Variants in CASK observed in about 807,000 individuals in gnomAD.
CASK encodes calcium/calmodulin dependent serine protein kinase.
Under a neutral mutation model 82.9 loss-of-function variants are expected in CASK, and 4 were observed. The ratio of observed to expected loss-of-function variants is 0.05; its 90% CI spans 0.02 to 0.11. The LOEUF is 0.11. Ranked by LOEUF, CASK falls within the 10% of genes least tolerant of loss-of-function variation. The pLI is 1.00. For missense variants in CASK, 358 were observed against 720.9 expected, an observed-to-expected ratio of 0.50 and a Z score of 5.76; for synonymous variants, 259 against 253.5, an observed-to-expected ratio of 1.02 and a Z score of -0.20.
chrX:41,603,763 G>A (rs906641913), intron 12 of CASK, among the ~76,000 whole-genome samples: 1 of 111,973 alleles, frequency 8.9e-6, no homozygotes. Flanking sequence ...AATGCTAACA[G>A]CTGTTCAGAG....
chrX:41,550,851 C>T (rs1014429219), intron 21 of CASK, among the ~76,000 whole-genome samples: 3 of 111,587 alleles, frequency 2.7e-5, no homozygotes, highest in African/African-American at 9.8e-5. Flanking sequence ...GTCGAGGCTG[C>T]AGTGAGCCAT....
At chrX:41,612,687 C>T (rs2066102702) in intron 11 of CASK, among the ~76,000 whole-genome samples, 1 of 94,043 alleles carries the variant, frequency 1.1e-5, no homozygotes, top group Non-Finnish European at 2.2e-5. Flanking sequence ...CCAGCCGCCC[C>T]GTCCGGGAGG....
At chrX:41,651,141 A>G (rs2066858893) in intron 8 of CASK, among the ~76,000 whole-genome samples, 2 of 112,324 alleles carry the variant, frequency 1.8e-5, no homozygotes, top group African/African-American at 6.5e-5. Context: ...TAAATATGCT[A>G]TTAGCCAAGA....
chrX:41,793,789 T>C (rs1361855196), intron 2 of CASK, among the ~76,000 whole-genome samples: 1 of 112,107 alleles, frequency 8.9e-6, no homozygotes, highest in African/African-American at 3.2e-5. Flanking sequence ...CTGAAATGAA[T>C]GACCAAATGA....
At chrX:41,741,453 A>C (rs1046384577) in intron 4 of CASK, among the ~76,000 whole-genome samples, 1 of 112,367 alleles carries the variant, frequency 8.9e-6, no homozygotes, top group Non-Finnish European at 1.9e-5. Flanking sequence ...TAAAGTGGAC[A>C]TAGCTTGTAC....
intron 12 of CASK, among the ~76,000 whole-genome samples, chrX:41,598,562 A>C (rs1016992236): frequency 9.0e-6 from 1 of 111,032 alleles, no homozygotes; most frequent in Non-Finnish European, 1.9e-5. Context: ...GGGATTCACC[A>C]TGTTGGACAG....
intron 3 of CASK, among the ~76,000 whole-genome samples, chrX:41,752,077 A>C (rs929358046): frequency 6.5e-5 from 7 of 107,945 alleles, no homozygotes; most frequent in East Asian, 2.9e-4. Flanking sequence ...CAAAAAAAAA[A>C]CACCCCAAAA....
chrX:41,770,141 T>C (rs1450082555), intron 3 of CASK, among the ~76,000 whole-genome samples: 1 of 108,936 alleles, frequency 9.2e-6, no homozygotes, highest in Non-Finnish European at 1.9e-5. Flanking sequence ...ACTGAGATTA[T>C]CCAGCACAGA....
At chrX:41,761,069 GA>G (rs1569437426) in intron 3 of CASK, among the ~76,000 whole-genome samples, 2 of 111,468 alleles carry the variant, frequency 1.8e-5, no homozygotes, top group African/African-American at 6.5e-5. Flanking sequence ...CTTCTCTCTA[GA>G]AATAAGTTCT....
At chrX:41,648,040 G>A (rs1471685927) in intron 8 of CASK, among the ~76,000 whole-genome samples, 2 of 112,452 alleles carry the variant, frequency 1.8e-5, no homozygotes, top group African/African-American at 3.2e-5. Flanking sequence ...TGGAGAGCCA[G>A]GCAGAACAGA....
chrX:41,866,255 G>A (rs890265967), intron 1 of CASK, among the ~76,000 whole-genome samples: 8 of 112,755 alleles, frequency 7.1e-5, no homozygotes, highest in Non-Finnish European at 1.9e-5. Flanking sequence ...GGGACCCACT[G>A]TGAAACAGTG....
intron 5 of CASK, among the ~76,000 whole-genome samples, chrX:41,690,661 A>T (rs1315893151): frequency 1.0e-5 from 1 of 97,229 alleles, no homozygotes; most frequent in Non-Finnish European, 2.1e-5. Flanking sequence ...GCTCCCGGCC[A>T]ATTTTTTTTT....
intron 5 of CASK, among the ~76,000 whole-genome samples, chrX:41,714,335 T>C: frequency 8.9e-6 from 1 of 111,981 alleles, no homozygotes; most frequent in East Asian, 2.8e-4. Context: ...TAATAGAGGC[T>C]ACAGTTAGGA....
chrX:41,837,946 A>G (rs2070958587), intron 2 of CASK, among the ~76,000 whole-genome samples: 1 of 112,066 alleles, frequency 8.9e-6, no homozygotes. Context: ...TGACTGTACC[A>G]CTTTATATTC....
chrX:41,536,372 T>C (rs749855117), intron 22 of CASK, among the ~76,000 whole-genome samples: 1 of 111,227 alleles, frequency 9.0e-6, no homozygotes, highest in Non-Finnish European at 1.9e-5. Context: ...CCTCCCGAAG[T>C]GTTGGGATTA....
chrX:41,543,586 T>C lies in CASK; in HGVS notation c.2040-780A>G, dbSNP rs1569296135. Among the ~76,000 whole-genome samples, 6 of 112,048 alleles carry C rather than the reference T, an allele frequency of 5.4e-5. No homozygotes were observed. In the Admixed American group the frequency reaches 5.7e-4, roughly 11 times the overall value. ...TTTGATCTATAATATCCAGCATTGGTAACATAAAGATGATATTAAAAAGTT... is the reference window on the plus strand; with the variant it reads ...TTTGATCTATAATATCCAGCATTGGCAACATAAAGATGATATTAAAAAGTT... On this transcript the variant is annotated intron_variant, in intron 21 of 26. Transcript: ENST00000378163.
At chrX:41,689,229 A>C (rs1271742188) in intron 5 of CASK, 1 of 111,885 alleles carries the variant, frequency 8.9e-6, no homozygotes, top group Non-Finnish European at 1.9e-5. Context: ...CTACTGAGTA[A>C]ATTGCTTGAA....
chrX:41,559,854 G>C lies in CASK; in HGVS notation c.1669-7C>G, dbSNP rs780719523. Reference sequence around the variant, plus strand: ...TACTCCCCCGCATTTCCCTCTGGAGGGGGGGTGGTGGGAAAGAAAGAAAAG... The same window carrying C: ...TACTCCCCCGCATTTCCCTCTGGAGCGGGGGTGGTGGGAAAGAAAGAAAAG... On this transcript the variant is annotated splice_region_variant and splice_polypyrimidine_tract_variant and intron_variant, in intron 17 of 26. Transcript: ENST00000378163. 6.7e-6 allele frequency: 8 copies of C among 1,198,016 alleles called. No homozygotes were observed. The East Asian group carries it at 8.9e-5, about 13-fold the overall frequency.
chrX:41,671,328 T>C (rs1313758782), intron 6 of CASK, 100 bp downstream of exon 6: 2 of 543,151 alleles, frequency 3.7e-6, no homozygotes, highest in Non-Finnish European at 6.6e-6. Flanking sequence ...TGGAATGAGG[T>C]ATGAAACACT....
Sources: gnomAD v4.1 joint callset for allele counts (sites outside exome capture counted in the v4.1 genomes callset) on GRCh38, gnomAD v4.1.1 for gene constraint, MANE v1.5 for transcripts, NCBI Gene and HGNC (gene_info 2026-07-23, HGNC 2026-07-21) for gene names.